The following RHOT2 variants were observed in gnomAD, a reference collection of about 807,000 sequenced individuals.
RHOT2 encodes mitochondrial Rho GTPase 2.
RHOT2 carries 90 observed loss-of-function variants against 81.6 expected under a neutral mutation model. That is an observed-to-expected ratio of 1.10 (90% CI 0.93 to 1.31). The LOEUF is 1.31. RHOT2 is among the 40% of genes most tolerant of loss of function. The probability of loss-of-function intolerance (pLI) is 0.00; values close to 1 mark genes in which losing one functional copy is unlikely to be tolerated. For synonymous variants in RHOT2, 512 were observed against 370.9 expected (o/e 1.38, Z -4.37); for missense variants, 1,014 against 841.9 (o/e 1.20, Z -2.53).
chr16:670,999 T>G lies in RHOT2; in HGVS notation c.747T>G (p.Asp249Glu), dbSNP rs1472468116. 1.3e-6 allele frequency: 2 copies of G among 1,590,874 alleles called. No homozygotes were observed. Among genetic ancestry groups the G allele is most frequent in the African/African-American group, 1.3e-5 (1 of 74,404 alleles). The change falls in exon 10 of 19, where the codon GAT (aspartate) becomes GAG (glutamate). Residue 249 changes from aspartate (D) to glutamate (E), a missense_variant and splice_region_variant. Physicochemically the swap from Asp to Glu is conservative, Grantham distance 45 (BLOSUM62 2). Transcript: ENST00000315082. ...TGCGGGAGGACCGGCTGACCCTGGA[T>G]GGTGAGGCCGGGTGCCCGCCTGTGC... is the stretch of plus-strand genomic sequence containing the variant. ...GGVREDRLTL[D>E]GFLFLNTLFI...
chr16:670,163 C>T lies in RHOT2; in HGVS notation c.317C>T (p.Thr106Met), dbSNP rs554526278. ...ATCCCACTGGTGAATGGGGGGACCA[C>T]GCAGGGGCCCAGGTAATGAGGGGAT... The part of the protein sequence containing the change: ...KWIPLVNGGT[T>M]QGPRVPIILV... The change falls in exon 6 of 19, where the codon ACG becomes ATG. Residue 106 changes from threonine to methionine, a missense_variant. Coordinates refer to ENST00000315082, the MANE Select transcript of RHOT2 (RefSeq NM_138769.3). 65 of 1,598,310 alleles carry T rather than the reference C, an allele frequency of 4.1e-5. No homozygotes were observed. Among genetic ancestry groups the T allele is most frequent in the Middle Eastern group, 1.7e-4 (1 of 5,998 alleles).
chr16:669,616 C>G lies in RHOT2; in HGVS notation c.276+10C>G. 1 of 1,611,242 alleles carries G rather than the reference C, an allele frequency of 6.2e-7. No homozygotes were observed. The highest frequency in any genetic ancestry group is 8.5e-7 in the Non-Finnish European group (1 of 1,179,700). ...GGCCACCATTGAGAAGGTGAGCCCT[C>G]AGTGCAGACCCCAACAGCAGAGACA... On this transcript the variant is annotated intron_variant, in intron 5 of 18. Transcript: ENST00000315082.
intron 11 of RHOT2, 50 bp downstream of exon 11, chr16:671,253 G>C: frequency 6.6e-7 from 1 of 1,510,524 alleles, no homozygotes; most frequent in Non-Finnish European, 8.8e-7. Context: ...GTCAGGAGCT[G>C]ACTGCCGACT....
At position 668,302 on chromosome 16, in the gene RHOT2, C is replaced by CG. The variant is rs894248197; in HGVS notation, c.38-45dup. On this transcript the variant is annotated intron_variant, in intron 1 of 18. Transcript: ENST00000315082. ...GAGGCGGGGTGAGGGTCTCGGGGGT[C>CG]GGGGGGCGCCGTGACCTTGGCCCTC... 4 of 1,302,306 alleles carry CG rather than the reference C, an allele frequency of 3.1e-6. No individual in the cohort carries two copies. The African/African-American group carries it at 6.2e-5, about 20-fold the overall frequency. 80.7% of individuals were successfully genotyped at this position (1,302,306 alleles called of 1,614,324 possible). A position where few individuals can be genotyped will look rare whatever the true frequency, so the allele number is the denominator to read the frequency against.
chr16:673,326 G>C, intron 18 of RHOT2, 154 bp from the exon 19 acceptor site: 1 of 1,297,594 alleles, frequency 7.7e-7, no homozygotes, highest in Non-Finnish European at 1.1e-6. Context: ...CAGTGCCCAG[G>C]CATGTCCCTC....
At chr16:668,788 C>A (rs761767276) in intron 4 of RHOT2, 89 bp downstream of exon 4, 21 of 1,378,110 alleles carry the variant, frequency 1.5e-5, no homozygotes, top group Non-Finnish European at 2.0e-5. Context: ...CGAGGTGCTC[C>A]GGGTGTCCTT....
Position 672,122 on chromosome 16 carries a change from A to C in RHOT2, c.1136A>C (p.His379Pro). 6.2e-7 allele frequency: 1 copy of C among 1,611,906 alleles called. No homozygotes were observed. The highest frequency in any genetic ancestry group is 1.3e-5 in the African/African-American group (1 of 74,736). Residue 379 changes from histidine (H) to proline (P), a missense_variant, in exon 14 of 19, where the codon CAC (histidine) becomes CCC (proline). Coordinates refer to ENST00000315082, the MANE Select transcript of RHOT2 (RefSeq NM_138769.3). ...TYLDVRSCLG[H>P]LGYLGYPTLC... is the part of the protein sequence containing the mutation. ...CTGGACGTCCGGAGCTGCCTTGGAC[A>C]CCTAGGCTACCTGGGCTACCCCACC... is the stretch of plus-strand genomic sequence containing the variant.
intron 5 of RHOT2, chr16:669,861 G>T (rs575921630): frequency 8.1e-6 from 5 of 614,528 alleles, no homozygotes; most frequent in South Asian, 5.9e-5. Context: ...CCCGGGGGGG[G>T]ACCCGCAGAG....
intron 7 of RHOT2, 26 bp from the exon 8 acceptor site, chr16:670,429 TC>T: frequency 4.4e-6 from 7 of 1,605,158 alleles, no homozygotes; most frequent in Non-Finnish European, 6.0e-6. Flanking sequence ...TCGGGGCACT[TC>T]CCTGAGGCTG....
chr16:672,205 C>T (rs754666798), intron 14 of RHOT2, 24 bp downstream of exon 14: 3 of 1,612,470 alleles, frequency 1.9e-6, no homozygotes, highest in East Asian at 2.2e-5. Flanking sequence ...CTCCCTGGGC[C>T]TGGGCCCAGT....
In RHOT2 at chr16:668,423, G is replaced by T; in HGVS notation, c.96+12G>T. On this transcript the variant is annotated intron_variant, in intron 2 of 18. Transcript: ENST00000315082. ...AGTTCCCCGAGGAGGTAAGGGGCACGCCCGCCGCGGGGGTGGGAGCGGGCC... is the reference window on the plus strand; with the variant it reads ...AGTTCCCCGAGGAGGTAAGGGGCACTCCCGCCGCGGGGGTGGGAGCGGGCC... 15 of 1,536,504 alleles carry T rather than the reference G, an allele frequency of 9.8e-6. No individual in the cohort carries two copies. Among genetic ancestry groups the T allele is most frequent in the Non-Finnish European group, 1.3e-5 (15 of 1,146,010 alleles).
chr16:671,580 C>T (rs1479856008), intron 11 of RHOT2, 117 bp from the exon 12 acceptor site: 2 of 1,158,150 alleles, frequency 1.7e-6, no homozygotes, highest in Non-Finnish European at 2.5e-6. Flanking sequence ...GTACAGGAGC[C>T]TCTGGGTCCT....
At chr16:668,801 C>T (rs1178314335) in intron 4 of RHOT2, 102 bp downstream of exon 4, 12 of 1,292,528 alleles carry the variant, frequency 9.3e-6, no homozygotes, top group Middle Eastern at 1.9e-4. Flanking sequence ...GTGTCCTTGG[C>T]CCTGATAATT....
intron 3 of RHOT2, 33 bp from the exon 4 acceptor site, chr16:668,623 T>A: frequency 6.2e-7 from 1 of 1,609,122 alleles, no homozygotes; most frequent in Non-Finnish European, 8.5e-7. Context: ...GCGGGCCTGC[T>A]GGGTCCGCAG....
Position 673,203 on chromosome 16 carries a change from G to A in RHOT2, c.1730+73G>A, listed in dbSNP as rs746282485. On this transcript the variant is annotated intron_variant, in intron 18 of 18. Coordinates refer to ENST00000315082, the MANE Select transcript of RHOT2 (RefSeq NM_138769.3). The stretch of plus-strand genomic sequence containing the variant: ...CGAGCAGTGGGCAGCGGTGGTGTCA[G>A]GCCTGGAACTGGGGACTAGCAGTGT... The A allele has an allele frequency of 3.9e-4, 592 of 1,498,944 alleles. 10 individuals are homozygous for A. The highest frequency in any genetic ancestry group is 2.1e-3 in the South Asian group (181 of 86,960). The allele number at this position is 1,498,944 out of a possible 1,614,324, so 92.9% of individuals were successfully genotyped here.
In RHOT2 at chr16:671,080, C is replaced by T; in HGVS notation, c.749-3C>T. ...GTGCTCCCCCTGCTTTGTCTCGGTG[C>T]AGGTTTCCTCTTCCTGAACACGCTC... On this transcript the variant is annotated splice_polypyrimidine_tract_variant and splice_region_variant and intron_variant, in intron 10 of 18. Coordinates refer to ENST00000315082, the MANE Select transcript of RHOT2 (RefSeq NM_138769.3). 1 of 1,609,030 alleles carries T rather than the reference C, an allele frequency of 6.2e-7. No homozygotes were observed. Among genetic ancestry groups the T allele is most frequent in the Non-Finnish European group, 8.5e-7 (1 of 1,179,732 alleles).
chr16:669,162 G>T (rs550922356), intron 4 of RHOT2: 4 of 395,226 alleles, frequency 1.0e-5, no homozygotes, highest in South Asian at 6.0e-5. Flanking sequence ...CTGTAGCGAG[G>T]GGGGAGGCAG....
In RHOT2 at chr16:672,545, T is replaced by C. The variant is rs369460797; in HGVS notation, c.1383T>C (p.Asn461=). The C allele has an allele frequency of 6.8e-6, 11 of 1,612,324 alleles. No individual in the cohort carries two copies. The highest frequency in any genetic ancestry group is 2.7e-5 in the African/African-American group (2 of 74,872). The change falls in exon 16 of 19, where the codon AAT becomes AAC. Residue 461 remains asparagine, a synonymous_variant. Coordinates refer to ENST00000315082, the MANE Select transcript of RHOT2 (RefSeq NM_138769.3). ...ACGCCATCGACACGGTGCAGGTCAATGGACAGGAGAAGTACTTGATCGTGA... is the reference window on the plus strand; with the variant it reads ...ACGCCATCGACACGGTGCAGGTCAACGGACAGGAGAAGTACTTGATCGTGA... ...PGYAIDTVQV[N]GQEKYLILCE...
At position 670,336 on chromosome 16, in the gene RHOT2, C is replaced by G; in HGVS notation, c.417C>G (p.Pro139=). 6.2e-7 allele frequency: 1 copy of G among 1,612,846 alleles called. No individual in the cohort carries two copies. Among genetic ancestry groups the G allele is most frequent in the Non-Finnish European group, 8.5e-7 (1 of 1,179,932 alleles). The change falls in exon 7 of 19, where the codon CCC becomes CCG. Residue 139 remains proline, a synonymous_variant. Coordinates refer to ENST00000315082, the MANE Select transcript of RHOT2 (RefSeq NM_138769.3). ...EAVLPIMSQF[P]EIETCVECSA... ...TGCTCCCCATCATGAGCCAGTTTCCCGAGATTGAGACCTGCGTGGAGGTGA... is the reference window on the plus strand; with the variant it reads ...TGCTCCCCATCATGAGCCAGTTTCCGGAGATTGAGACCTGCGTGGAGGTGA...
Sources: gnomAD v4.1 joint callset for allele counts on GRCh38, gnomAD v4.1.1 for gene constraint, MANE v1.5 for transcripts, NCBI Gene and HGNC (gene_info 2026-07-23, HGNC 2026-07-21) for gene names.